The following MAGOH variants were observed in gnomAD, a reference collection of about 807,000 sequenced individuals.
MAGOH encodes the protein protein mago nashi homolog.
Under a neutral mutation model 20.9 loss-of-function variants are expected in MAGOH, and 3 were observed. The ratio of observed to expected loss-of-function variants is 0.14; its 90% CI spans 0.07 to 0.37. The LOEUF (loss-of-function observed/expected upper bound fraction) is 0.37, where lower values mean the gene tolerates loss of function less well. MAGOH is among the 10% of genes least tolerant of loss of function. The pLI, the probability that MAGOH is intolerant of heterozygous loss-of-function variation, is 1.00. For missense variants in MAGOH, 66 were observed against 178.1 expected (o/e 0.37, Z 3.58); for synonymous variants, 51 against 61.0 (o/e 0.84, Z 0.76).
intron 3 of MAGOH, among the ~76,000 whole-genome samples, chr1:53,231,814 G>T (rs1018020608): frequency 2.0e-5 from 3 of 152,128 alleles, no homozygotes; most frequent in Non-Finnish European, 4.4e-5. Context: ...AAATCCTACT[G>T]CGATTTTTAT....
At chr1:53,233,719 T>C in intron 2 of MAGOH, 67 bp from the exon 3 acceptor site, 1 of 1,000,902 alleles carries the variant, frequency 1.0e-6, no homozygotes, top group Non-Finnish European at 1.6e-6. Flanking sequence ...CAGATAGTGA[T>C]GGAAGATAAA....
intron 1 of MAGOH, 117 bp downstream of exon 1, chr1:53,238,244 G>T: frequency 1.1e-6 from 1 of 888,628 alleles, no homozygotes; most frequent in Non-Finnish European, 1.9e-6. Context: ...GATCTGCACT[G>T]CACAGGTCTC....
chr1:53,237,226 G>A (rs1220488740), intron 1 of MAGOH, among the ~76,000 whole-genome samples: 4 of 150,898 alleles, frequency 2.7e-5, no homozygotes. Context: ...TGAGATTACA[G>A]GCTTGAGCCA....
intron 2 of MAGOH, among the ~76,000 whole-genome samples, chr1:53,234,706 G>A (rs1037437069): frequency 6.6e-6 from 1 of 152,046 alleles, no homozygotes; most frequent in Non-Finnish European, 1.5e-5. Context: ...CACTCCTGAG[G>A]AGCAAAATGT....
rs1290023195 is a variant in MAGOH at position 53,227,158 on chromosome 1, G to A, written c.342-14C>T. ...CCTTCTGGATCCCTAAAATACAAAA[G>A]GAAAAAAGTTTAGGCATTAAAACTT... On this transcript the variant is annotated splice_polypyrimidine_tract_variant and intron_variant, in intron 4 of 4. Transcript: ENST00000371470. The A allele has an allele frequency of 1.3e-6, 2 of 1,520,580 alleles. No homozygotes were observed. The highest frequency in any genetic ancestry group is 2.1e-5 in the Admixed American group (1 of 47,908). The allele number at this position is 1,520,580 out of a possible 1,614,324, so 94.2% of individuals were successfully genotyped here.
In MAGOH at chr1:53,238,470, C is replaced by T. The variant is rs536437660; in HGVS notation, c.-22G>A. ...CCATGGCTCCCAAAAGACAACCGAG[C>T]CTGAACTTCCAAGAGCAAGCCGCAC... On this transcript the variant is annotated 5_prime_UTR_variant, in exon 1 of 5. Transcript: ENST00000371470. The T allele has an allele frequency of 6.2e-7, 1 of 1,606,750 alleles. No individual in the cohort carries two copies. The highest frequency in any genetic ancestry group is 1.1e-5 in the South Asian group (1 of 90,966).
At chr1:53,228,169 C>T (rs923737870) in intron 4 of MAGOH, among the ~76,000 whole-genome samples, 1 of 152,144 alleles carries the variant, frequency 6.6e-6, no homozygotes, top group Admixed American at 6.5e-5. Context: ...CGGTGGCTCA[C>T]GCCTGTAATT....
chr1:53,227,805 C>G (rs1314343382), intron 4 of MAGOH, among the ~76,000 whole-genome samples: 1 of 152,088 alleles, frequency 6.6e-6, no homozygotes, highest in Non-Finnish European at 1.5e-5. Context: ...TCCCAAAGTG[C>G]TGGGATTACA....
chr1:53,229,348 G>A (rs1274366926), intron 3 of MAGOH, among the ~76,000 whole-genome samples: 3 of 151,932 alleles, frequency 2.0e-5, no homozygotes, highest in Non-Finnish European at 4.4e-5. Flanking sequence ...ACAGGTGCCC[G>A]CCACCACGCC....
intron 2 of MAGOH, among the ~76,000 whole-genome samples, chr1:53,234,396 C>T (rs565734401): frequency 8.4e-6 from 1 of 118,802 alleles, no homozygotes; most frequent in Non-Finnish European, 1.8e-5. Context: ...TTTTTTGAAA[C>T]GGAGCCTTGC....
At chr1:53,237,886 C>G (rs1338874075) in intron 1 of MAGOH, among the ~76,000 whole-genome samples, 1 of 152,022 alleles carries the variant, frequency 6.6e-6, no homozygotes, top group Non-Finnish European at 1.5e-5. Context: ...GTAGAATGGT[C>G]TTCCTTATGA....
chr1:53,235,641 G>A lies in MAGOH; in HGVS notation c.89-6C>T, dbSNP rs764706892. 7 of 1,611,484 alleles carry A rather than the reference G, an allele frequency of 4.3e-6. No homozygotes were observed. The highest frequency in any genetic ancestry group is 4.0e-5 in the African/African-American group (3 of 74,738). On this transcript the variant is annotated splice_polypyrimidine_tract_variant and splice_region_variant and intron_variant, in intron 1 of 4. Transcript: ENST00000371470. ...GTTGGCATATCTTAACTTCCCTGTG[G>A]GGGCAAAAAACAATTTCAACGTATA... is the stretch of plus-strand genomic sequence containing the variant.
intron 3 of MAGOH, among the ~76,000 whole-genome samples, chr1:53,231,816 G>A (rs1159215828): frequency 6.6e-6 from 1 of 152,108 alleles, no homozygotes; most frequent in Non-Finnish European, 1.5e-5. Flanking sequence ...ATCCTACTGC[G>A]ATTTTTATTT....
intron 2 of MAGOH, among the ~76,000 whole-genome samples, chr1:53,235,080 G>A (rs1448396084): frequency 3.9e-5 from 6 of 152,162 alleles, no homozygotes; most frequent in African/African-American, 1.4e-4. Context: ...AAGATGCCAC[G>A]CCTGACATCT....
rs761482279 is a variant in MAGOH, at chr1:53,238,478, T to TC, written c.-31dup. ...CCCAAAAGACAACCGAGCCTGAACTTCCAAGAGCAAGCCGCACTGCCGCCG... is the reference window on the plus strand; with the variant it reads ...CCCAAAAGACAACCGAGCCTGAACTTCCCAAGAGCAAGCCGCACTGCCGCCG... On this transcript the variant is annotated 5_prime_UTR_variant, in exon 1 of 5. Transcript: ENST00000371470. The TC allele has an allele frequency of 6.3e-7, 1 of 1,599,912 alleles. No homozygotes were observed. The highest frequency in any genetic ancestry group is 2.2e-5 in the East Asian group (1 of 44,822).
intron 3 of MAGOH, 34 bp downstream of exon 3, chr1:53,233,508 A>ATT: frequency 6.7e-7 from 1 of 1,489,556 alleles, no homozygotes; most frequent in Non-Finnish European, 9.3e-7. Context: ...TATTTGTAAG[A>ATT]TTTCTGCACT....
At position 53,235,691 on chromosome 1, in the gene MAGOH, A is replaced by G. The variant is rs1408543872; in HGVS notation, c.89-56T>C. Reference sequence around the variant, plus strand: ...AATAAAAACATATGAATAAAGCATCAATACCATGCCAAGGCATCAGCAGTT... The same window carrying G: ...AATAAAAACATATGAATAAAGCATCGATACCATGCCAAGGCATCAGCAGTT... On this transcript the variant is annotated intron_variant, in intron 1 of 4. Coordinates refer to ENST00000371470, the MANE Select transcript of MAGOH (RefSeq NM_002370.4). 4 of 1,423,008 alleles carry G rather than the reference A, an allele frequency of 2.8e-6. No individual in the cohort carries two copies. In the African/African-American group the frequency reaches 5.6e-5, roughly 20 times the overall value. The allele number at this position is 1,423,008 out of a possible 1,614,324, so 88.1% of individuals were successfully genotyped here.
chr1:53,230,213 T>TATATCC (rs1388839233), intron 3 of MAGOH, among the ~76,000 whole-genome samples: 2 of 152,244 alleles, frequency 1.3e-5, no homozygotes, highest in African/African-American at 4.8e-5. Context: ...TTTTGATTCA[T>TATATCC]ATATCCTTTT....
At chr1:53,233,263 C>G in intron 3 of MAGOH, 1 of 261,858 alleles carries the variant, frequency 3.8e-6, no homozygotes. Context: ...ATGACAGTGG[C>G]TTTTATTTTT....
Sources: gnomAD v4.1 joint callset for allele counts (sites outside exome capture counted in the v4.1 genomes callset) on GRCh38, gnomAD v4.1.1 for gene constraint, MANE v1.5 for transcripts, NCBI Gene and HGNC (gene_info 2026-07-23, HGNC 2026-07-21) for gene names.